Variants in GRIA1 observed in about 807,000 individuals in gnomAD.
The protein encoded by GRIA1 is glutamate receptor 1.
GRIA1 carries 31 observed loss-of-function variants against 99.2 expected under a neutral mutation model. The observed-to-expected ratio is 0.31, with a 90% CI of 0.23 to 0.42. GRIA1 has a LOEUF of 0.42. GRIA1 is among the 10% of genes least tolerant of loss of function. The pLI is 1.00. For missense variants in GRIA1, 782 were observed against 1,157.5 expected (o/e 0.68, Z 4.71); for synonymous variants, 438 against 432.4 (o/e 1.01, Z -0.16).
chr5:153,743,127 TAGAG>T (rs761471634), intron 11 of GRIA1, among the ~76,000 whole-genome samples: 1 of 151,920 alleles, frequency 6.6e-6, no homozygotes, highest in Non-Finnish European at 1.5e-5. Context: ...ACCCAGAAAA[TAGAG>T]AGGAGAAAAG....
chr5:153,780,819 T>C (rs1261295427), intron 13 of GRIA1, among the ~76,000 whole-genome samples: 1 of 152,192 alleles, frequency 6.6e-6, no homozygotes, highest in Non-Finnish European at 1.5e-5. Flanking sequence ...TGTGAGTATC[T>C]GACCCAAATT....
intron 11 of GRIA1, among the ~76,000 whole-genome samples, chr5:153,715,961 C>T (rs1043673579): frequency 1.3e-5 from 2 of 152,090 alleles, no homozygotes; most frequent in African/African-American, 4.8e-5. Context: ...GTCCTGGTCC[C>T]TGAATGGATT....
At position 153,786,767 on chromosome 5, in the gene GRIA1, A is replaced by G. The variant is rs149209505; in HGVS notation, c.2271-7854A>G. ...GCTCAAGGGCAGATTCAAGGAAAACATGGGGAGCATTGCAGAGCAACCAGG... is the reference window on the plus strand; with the variant it reads ...GCTCAAGGGCAGATTCAAGGAAAACGTGGGGAGCATTGCAGAGCAACCAGG... On this transcript the variant is annotated intron_variant, in intron 13 of 15. Coordinates refer to ENST00000285900, the MANE Select transcript of GRIA1 (RefSeq NM_000827.4). 1.2e-4 allele frequency among the ~76,000 whole-genome samples: 18 copies of G among 152,340 alleles called. No homozygotes were observed. The South Asian group carries it at 2.1e-3, about 18-fold the overall frequency.
chr5:153,763,838 G>A (rs1033835627), intron 11 of GRIA1, among the ~76,000 whole-genome samples: 1 of 152,026 alleles, frequency 6.6e-6, no homozygotes, highest in Non-Finnish European at 1.5e-5. Flanking sequence ...TGGGTGAGTG[G>A]GGGAAAGAAT....
At chr5:153,519,281 G>C (rs1756920112) in intron 2 of GRIA1, among the ~76,000 whole-genome samples, 1 of 151,860 alleles carries the variant, frequency 6.6e-6, no homozygotes, top group Non-Finnish European at 1.5e-5. Flanking sequence ...GGAAAGAAAA[G>C]AAATGCCAAT....
In GRIA1 at chr5:153,568,967, A is replaced by G. The variant is rs372783132; in HGVS notation, c.220+74902A>G. ...TTTCCCATCCTTTCTACTGCCTTCAAGGCTCTGCTGAAATCCCACTTCCAT... is the reference window on the plus strand; with the variant it reads ...TTTCCCATCCTTTCTACTGCCTTCAGGGCTCTGCTGAAATCCCACTTCCAT... On this transcript the variant is annotated intron_variant, in intron 2 of 15. Coordinates refer to ENST00000285900, the MANE Select transcript of GRIA1 (RefSeq NM_000827.4). Among the ~76,000 whole-genome samples, 10 of 152,132 alleles carry G rather than the reference A, an allele frequency of 6.6e-5. No individual in the cohort carries two copies. The South Asian group carries it at 2.1e-3, about 32-fold the overall frequency.
At chr5:153,652,363 T>C (rs1754636497) in intron 4 of GRIA1, among the ~76,000 whole-genome samples, 1 of 152,244 alleles carries the variant, frequency 6.6e-6, no homozygotes, top group African/African-American at 2.4e-5. Context: ...GTATACCAGA[T>C]ACTATGCCAA....
intron 2 of GRIA1, among the ~76,000 whole-genome samples, chr5:153,557,146 G>T (rs1000765522): frequency 6.6e-6 from 1 of 152,220 alleles, no homozygotes; most frequent in African/African-American, 2.4e-5. Context: ...CGTTGCTCTG[G>T]TGAGTCAGTG....
At chr5:153,524,172 C>T (rs1045136710) in intron 2 of GRIA1, among the ~76,000 whole-genome samples, 1 of 152,056 alleles carries the variant, frequency 6.6e-6, no homozygotes, top group Non-Finnish European at 1.5e-5. Flanking sequence ...ACTAAAAATA[C>T]AAAAATTAGC....
intron 14 of GRIA1, among the ~76,000 whole-genome samples, chr5:153,795,999 CTTTTT>C (rs1226772204): frequency 1.5e-5 from 2 of 130,744 alleles, no homozygotes; most frequent in East Asian, 4.7e-4. Flanking sequence ...ATACTGAACT[CTTTTT>C]TTTTTTAACT....
chr5:153,738,178 G>T (rs1009967834), intron 11 of GRIA1, among the ~76,000 whole-genome samples: 3 of 152,216 alleles, frequency 2.0e-5, no homozygotes, highest in Non-Finnish European at 4.4e-5. Context: ...GCAAGGTTGT[G>T]GATGTCATTG....
At position 153,517,486 on chromosome 5, in the gene GRIA1, G is replaced by A. The variant is rs568313437; in HGVS notation, c.220+23421G>A. Among the ~76,000 whole-genome samples, 9 of 152,268 alleles carry A rather than the reference G, an allele frequency of 5.9e-5. No individual in the cohort carries two copies. In the South Asian group the frequency reaches 1.9e-3, roughly 32 times the overall value. On this transcript the variant is annotated intron_variant, in intron 2 of 15. Transcript: ENST00000285900. ...CCATGGAAAGTCCCCTGGGCCCTCA[G>A]AAAGGGAGGGATCAAATTAAGTAAG...
At position 153,813,402 on chromosome 5, in the gene GRIA1, G is replaced by T. The variant is rs1285157187; in HGVS notation, c.*2177G>T. The T allele has an allele frequency of 6.6e-6, 1 of 152,168 alleles. No homozygotes were observed. The allele number at this position is 152,168 out of a possible 1,614,324, so 9.4% of individuals were successfully genotyped here. On this transcript the variant is annotated 3_prime_UTR_variant, in exon 16 of 16. Transcript: ENST00000285900. The stretch of plus-strand genomic sequence containing the variant: ...AGTAAGATGCCTCTCCAGCTACTGA[G>T]CCCACAAGTAACATGAGCGGATAAA...
intron 1 of GRIA1, chr5:153,492,115 G>GT (rs1753969048): frequency 7.0e-7 from 1 of 1,421,388 alleles, no homozygotes; most frequent in Non-Finnish European, 9.2e-7. Flanking sequence ...ACTAGGGAAA[G>GT]TTCGCATTGC....
At chr5:153,541,845 G>A (rs980569918) in intron 2 of GRIA1, among the ~76,000 whole-genome samples, 1 of 142,656 alleles carries the variant, frequency 7.0e-6, no homozygotes, top group East Asian at 2.1e-4. Flanking sequence ...CAGGAGAATC[G>A]CTTGAACATG....
At chr5:153,563,204 T>C (rs1247898903) in intron 2 of GRIA1, among the ~76,000 whole-genome samples, 1 of 152,034 alleles carries the variant, frequency 6.6e-6, no homozygotes, top group Admixed American at 6.6e-5. Flanking sequence ...TTCTTGCTTT[T>C]GTTGCTGTTT....
chr5:153,761,571 A>G (rs1188443921), intron 11 of GRIA1, among the ~76,000 whole-genome samples: 1 of 152,196 alleles, frequency 6.6e-6, no homozygotes, highest in Non-Finnish European at 1.5e-5. Flanking sequence ...GCTGGTGGGA[A>G]TATAAATAGT....
At chr5:153,502,811 G>A (rs1755135356) in intron 2 of GRIA1, among the ~76,000 whole-genome samples, 1 of 152,144 alleles carries the variant, frequency 6.6e-6, no homozygotes, top group Admixed American at 6.5e-5. Flanking sequence ...TGAAAGTAAA[G>A]TTTGAGAATA....
At chr5:153,797,434 T>G (rs570207780) in intron 14 of GRIA1, among the ~76,000 whole-genome samples, 1 of 152,326 alleles carries the variant, frequency 6.6e-6, no homozygotes. Context: ...AAAGTGTTTC[T>G]TTTAAAACTC....
Sources: allele counts gnomAD v4.1 joint callset (sites outside exome capture counted in the v4.1 genomes callset), GRCh38; gene constraint gnomAD v4.1.1; transcripts MANE v1.5; gene names NCBI Gene and HGNC (gene_info 2026-07-23, HGNC 2026-07-21).